The following EGFR variants were observed in gnomAD, a reference collection of about 807,000 sequenced individuals.
EGFR encodes the protein epidermal growth factor receptor.
A neutral mutation model predicts 143.0 loss-of-function variants in EGFR; 58 were observed. That is an observed-to-expected ratio of 0.41 (90% CI 0.33 to 0.50). EGFR has a LOEUF of 0.50. Ranked by LOEUF, EGFR falls within the 20% of genes least tolerant of loss-of-function variation. EGFR has a pLI of 0.39. For missense variants in EGFR, 1,307 were observed against 1,579.0 expected (o/e 0.83, Z 2.92); for synonymous variants, 613 against 594.4 (o/e 1.03, Z -0.45).
chr7:55,054,008 C>A (rs1788643309), intron 1 of EGFR, among the ~76,000 whole-genome samples: 1 of 152,066 alleles, frequency 6.6e-6, no homozygotes, highest in Admixed American at 6.5e-5. Flanking sequence ...TCCCTCCCTC[C>A]CTCCCTCTCC....
At chr7:55,058,491 A>G (rs1053698123) in intron 1 of EGFR, among the ~76,000 whole-genome samples, 3 of 152,238 alleles carry the variant, frequency 2.0e-5, no homozygotes, top group African/African-American at 7.2e-5. Flanking sequence ...CATAAAGAAA[A>G]TGTGGTACAT....
chr7:55,025,964 GAACC>G (rs1786860536), intron 1 of EGFR, among the ~76,000 whole-genome samples: 1 of 151,872 alleles, frequency 6.6e-6, no homozygotes, highest in Non-Finnish European at 1.5e-5. Context: ...GCTAGTGGCT[GAACC>G]AAAAAAAGTA....
At chr7:55,152,720 C>T in intron 6 of EGFR, 56 bp downstream of exon 6, 2 of 1,459,362 alleles carry the variant, frequency 1.4e-6, no homozygotes. Context: ...ACCCGCCCCA[C>T]CCACACCAGG....
At position 55,192,776 on chromosome 7, in the gene EGFR, A is replaced by G. The variant is rs918327720; in HGVS notation, c.2636A>G (p.Lys879Arg). ...TCTCACCATCCCAAGGTGCCTATCA[A>G]GTGGATGGCATTGGAATCAATTTTA... ...YHAEGGKVPI[K>R]WMALESILHR... The change falls in exon 22 of 28, where the codon AAG becomes AGG. Residue 879 changes from lysine (K) to arginine (R), a missense_variant. Physicochemically the swap from Lys to Arg is conservative, Grantham distance 26. This residue lies in a region of EGFR where 348 missense variants were observed against 451.5 expected (regional missense o/e 0.77). Transcript: ENST00000275493. 8 of 1,614,158 alleles carry G rather than the reference A, an allele frequency of 5.0e-6. No homozygotes were observed. Among genetic ancestry groups the G allele is most frequent in the Non-Finnish European group, 6.8e-6 (8 of 1,179,990 alleles).
intron 1 of EGFR, among the ~76,000 whole-genome samples, chr7:55,124,605 G>A (rs1031499379): frequency 6.6e-5 from 10 of 152,112 alleles, no homozygotes; most frequent in Admixed American, 4.6e-4. Flanking sequence ...TGGATCCCTC[G>A]GGGGCAATTC....
chr7:55,132,237 C>T lies in EGFR; in HGVS notation c.89-10049C>T, dbSNP rs549773830. ...CTAGGGGTGGATATGCACCACCCCA[C>T]GGAAGCCAAACAAAATCTCTCTGCA... On this transcript the variant is annotated intron_variant, in intron 1 of 27. Coordinates refer to ENST00000275493, the MANE Select transcript of EGFR (RefSeq NM_005228.5). 7.8e-4 allele frequency among the ~76,000 whole-genome samples: 119 copies of T among 152,262 alleles called. 2 individuals are homozygous for T. Among genetic ancestry groups the T allele is most frequent in the South Asian group, 6.4e-3 (31 of 4,822 alleles).
intron 1 of EGFR, among the ~76,000 whole-genome samples, chr7:55,127,957 G>A (rs910239824): frequency 1.2e-4 from 19 of 152,302 alleles, no homozygotes; most frequent in Middle Eastern, 6.8e-3. Flanking sequence ...CCTTATCTCC[G>A]TCAACATGTT....
At chr7:55,064,224 G>C (rs1789367366) in intron 1 of EGFR, among the ~76,000 whole-genome samples, 1 of 152,180 alleles carries the variant, frequency 6.6e-6, no homozygotes, top group Non-Finnish European at 1.5e-5. Flanking sequence ...AGTATCCACA[G>C]GTCATGTTTG....
chr7:55,070,821 A>T (rs904567756), intron 1 of EGFR, among the ~76,000 whole-genome samples: 7 of 152,262 alleles, frequency 4.6e-5, no homozygotes, highest in Non-Finnish European at 8.8e-5. Flanking sequence ...CTGAGCTGTT[A>T]AATTTGTCTC....
At chr7:55,040,053 G>A (rs1453849649) in intron 1 of EGFR, among the ~76,000 whole-genome samples, 1 of 152,116 alleles carries the variant, frequency 6.6e-6, no homozygotes, top group Non-Finnish European at 1.5e-5. Context: ...CATGTGTCCC[G>A]GTTTGAAAGC....
rs1562657170 is a variant in EGFR, at chr7:55,036,282, G to GGA, written c.88+16918_88+16919insAG. ...AGTTTGTGTGTGTGTGGGGGGGGGG[G>GGA]GGTGGGTGTGTGTGTGTACCACTCT... On this transcript the variant is annotated intron_variant, in intron 1 of 27. Coordinates refer to ENST00000275493, the MANE Select transcript of EGFR (RefSeq NM_005228.5). 2.7e-5 allele frequency among the ~76,000 whole-genome samples: 2 copies of GGA among 73,548 alleles called. 1 individual carries two copies. Among genetic ancestry groups the GGA allele is most frequent in the Non-Finnish European group, 5.3e-5 (2 of 37,408 alleles). The allele number at this position is 73,548 out of a possible 152,430, so 48.3% of individuals were successfully genotyped here.
chr7:55,157,767 A>G lies in EGFR; in HGVS notation c.1298+14A>G, dbSNP rs1785503428. The G allele has an allele frequency of 6.2e-7, 1 of 1,613,476 alleles. No homozygotes were observed. Among genetic ancestry groups the G allele is most frequent in the African/African-American group, 1.3e-5 (1 of 74,924 alleles). ...GACCAAGCAACAGTAAGTTGACCACAGCCAAAGCCTGGTAGATTACATTTG... is the reference window on the plus strand; with the variant it reads ...GACCAAGCAACAGTAAGTTGACCACGGCCAAAGCCTGGTAGATTACATTTG... On this transcript the variant is annotated intron_variant, in intron 11 of 27. Coordinates refer to ENST00000275493, the MANE Select transcript of EGFR (RefSeq NM_005228.5).
chr7:55,044,385 A>G (rs1788071629), intron 1 of EGFR, among the ~76,000 whole-genome samples: 1 of 152,240 alleles, frequency 6.6e-6, no homozygotes, highest in African/African-American at 2.4e-5. Flanking sequence ...GGACTTTGAA[A>G]TAATGTTGTT....
At chr7:55,172,340 C>T (rs1042168902) in intron 16 of EGFR, among the ~76,000 whole-genome samples, 15 of 152,226 alleles carry the variant, frequency 9.9e-5, no homozygotes, top group African/African-American at 3.1e-4. Flanking sequence ...TGGAACTAGA[C>T]ATGACCTCTG....
chr7:55,108,974 T>A (rs1584058469), intron 1 of EGFR, among the ~76,000 whole-genome samples: 1 of 152,238 alleles, frequency 6.6e-6, no homozygotes, highest in Middle Eastern at 3.4e-3. Context: ...TATGTAAACA[T>A]ATAAATCAGC....
At chr7:55,027,948 A>T (rs1223860616) in intron 1 of EGFR, among the ~76,000 whole-genome samples, 1 of 142,528 alleles carries the variant, frequency 7.0e-6, no homozygotes. Flanking sequence ...AGCTGCTGAC[A>T]TTACCTTGTA....
rs1013096282 is a variant in EGFR at position 55,208,086 on chromosome 7, G to A, written c.*2469G>A. 6.6e-6 allele frequency: 1 copy of A among 152,058 alleles called. No individual in the cohort carries two copies. Among genetic ancestry groups the A allele is most frequent in the Non-Finnish European group, 1.5e-5 (1 of 68,026 alleles). 9.4% of individuals were successfully genotyped at this position (152,058 alleles called of 1,614,324 possible). On this transcript the variant is annotated 3_prime_UTR_variant, in exon 28 of 28. Transcript: ENST00000275493. ...TAATAAAAGAGCAAAAGCTATTCTA[G>A]CTTTCTTCTTCATATTTTAATTTTC...
intron 15 of EGFR, chr7:55,170,928 C>T (rs1786318710): frequency 2.1e-6 from 3 of 1,422,594 alleles, no homozygotes; most frequent in Admixed American, 2.9e-5. Flanking sequence ...AAACTGGCTG[C>T]TTTGTTCAAT....
chr7:55,166,992 T>G (rs1258622155), intron 15 of EGFR, among the ~76,000 whole-genome samples: 1 of 126,610 alleles, frequency 7.9e-6, no homozygotes. Flanking sequence ...GTGATGATGA[T>G]GAGGAGGTGG....
Sources: allele counts gnomAD v4.1 joint callset (sites outside exome capture counted in the v4.1 genomes callset), GRCh38; gene constraint gnomAD v4.1.1; regional missense constraint gnomAD v4.1.1; transcripts MANE v1.5; gene names NCBI Gene and HGNC (gene_info 2026-07-23, HGNC 2026-07-21).